The following ABI3BP variants were observed in gnomAD, a reference collection of about 807,000 sequenced individuals.
ABI3BP encodes target of Nesh-SH3.
In ABI3BP, 216 loss-of-function variants were observed where a neutral mutation model predicts 268.6. That is an observed-to-expected ratio of 0.80 (90% confidence interval 0.72 to 0.90). The LOEUF (loss-of-function observed/expected upper bound fraction) is 0.90. Among genes scored for constraint, ABI3BP ranks in the 40% least tolerant of loss-of-function variants. ABI3BP has a pLI of 0.00. For missense variants in ABI3BP, 2,090 were observed against 2,182.4 expected, an observed-to-expected ratio of 0.96 and a Z score of 0.84; for synonymous variants, 730 against 730.0, an observed-to-expected ratio of 1.00 and a Z score of 0.00.
At chr3:100,801,311 C>G (rs954880138) in intron 51 of ABI3BP, among the ~76,000 whole-genome samples, 1 of 151,054 alleles carries the variant, frequency 6.6e-6, no homozygotes, top group Non-Finnish European at 1.5e-5. Context: ...ACCTGTAGTC[C>G]CAGCTACTTG....
rs1354374 is a variant in ABI3BP at position 100,840,061 on chromosome 3, A to G, written c.1897+11T>C. On this transcript the variant is annotated intron_variant, in intron 23 of 67. Coordinates refer to ENST00000471714, the MANE Select transcript of ABI3BP (RefSeq NM_001375547.2). Reference sequence around the variant, plus strand: ...TTTCTATGTTAATTGGAACCTGAATATCACATTTACCGGGTTTGGACTTGG... The same window carrying G: ...TTTCTATGTTAATTGGAACCTGAATGTCACATTTACCGGGTTTGGACTTGG... 0.11 allele frequency: 163,107 copies of G among 1,438,278 alleles called. 9,379 individuals carry two copies. Among genetic ancestry groups the G allele is most frequent in the East Asian group, 0.22 (7,701 of 34,276 alleles). The allele number at this position is 1,438,278 out of a possible 1,614,324, so 89.1% of individuals were successfully genotyped here. A position where few individuals can be genotyped will look rare whatever the true frequency, so the allele number is the denominator to read the frequency against.
intron 3 of ABI3BP, among the ~76,000 whole-genome samples, chr3:100,901,278 G>A (rs2050164707): frequency 6.6e-6 from 1 of 152,056 alleles, no homozygotes; most frequent in African/African-American, 2.4e-5. Flanking sequence ...AAGAGGGGAG[G>A]GAATTGTGGC....
intron 41 of ABI3BP, among the ~76,000 whole-genome samples, chr3:100,817,822 C>T (rs2098104178): frequency 6.6e-6 from 1 of 152,154 alleles, no homozygotes; most frequent in African/African-American, 2.4e-5. Context: ...GTTTATCAGT[C>T]TACTTGCACT....
rs1384378597 is a variant in ABI3BP, at chr3:100,847,633, A to T, written c.1617T>A (p.Ser539=). The T allele has an allele frequency of 6.2e-7, 1 of 1,613,644 alleles. No homozygotes were observed. The highest frequency in any genetic ancestry group is 8.5e-7 in the Non-Finnish European group (1 of 1,179,676). ...TTGTCCATGTAGGTTCAGGGCTTTT[A>T]GAAATTTTAGGTGTAATTGTTCCGG... ...TSAGTITPKI[S]KSPEPTWTTP... The change falls in exon 19 of 68, where the codon TCT becomes TCA. Residue 539 remains serine (S), a synonymous_variant. Transcript: ENST00000471714.
At chr3:100,886,592 G>A (rs2042067594) in intron 4 of ABI3BP, among the ~76,000 whole-genome samples, 1 of 151,914 alleles carries the variant, frequency 6.6e-6, no homozygotes, top group African/African-American at 2.4e-5. Flanking sequence ...ATTATTTGCT[G>A]CTTTGCAAGA....
At chr3:100,962,608 A>G (rs2079547899) in intron 1 of ABI3BP, among the ~76,000 whole-genome samples, 2 of 152,182 alleles carry the variant, frequency 1.3e-5, no homozygotes, top group Non-Finnish European at 2.9e-5. Flanking sequence ...CTGTAAGGTC[A>G]GCAGTGACTT....
chr3:100,985,992 T>C (rs1030039088), intron 1 of ABI3BP, among the ~76,000 whole-genome samples: 1 of 152,188 alleles, frequency 6.6e-6, no homozygotes. Flanking sequence ...ACAATCAACT[T>C]GTATGGTAAA....
intron 38 of ABI3BP, among the ~76,000 whole-genome samples, 195 bp from the exon 39 acceptor site, chr3:100,821,308 C>T (rs933008689): frequency 6.6e-6 from 1 of 152,132 alleles, no homozygotes; most frequent in African/African-American, 2.4e-5. Flanking sequence ...GTACCTATTT[C>T]CTTATTCCTC....
chr3:100,768,729 A>G lies in ABI3BP; in HGVS notation c.4741+2014T>C, dbSNP rs532631995. On this transcript the variant is annotated intron_variant, in intron 62 of 67. Transcript: ENST00000471714. ...TATTATTATTACACCTAAGGAAACT[A>G]AGGCTCAAACAGTCTAATTTTATAC... Among the ~76,000 whole-genome samples, 290 of 152,322 alleles carry G rather than the reference A, an allele frequency of 1.9e-3. 1 individual carries two copies. Among genetic ancestry groups the G allele is most frequent in the Non-Finnish European group, 3.2e-3 (216 of 68,028 alleles).
chr3:100,837,992 G>A (rs73135589), intron 26 of ABI3BP, among the ~76,000 whole-genome samples: 13,693 of 152,150 alleles, frequency 0.09, 733 homozygotes, highest in East Asian at 0.14. Context: ...TTAAGAAAAT[G>A]AAATGCCAGT....
chr3:100,840,980 CT>C, intron 21 of ABI3BP, 122 bp from the exon 22 acceptor site: 1 of 742,232 alleles, frequency 1.3e-6, no homozygotes, highest in Non-Finnish European at 2.1e-6. Context: ...AATGGTGAAG[CT>C]TTTATCCACA....
Position 100,780,186 on chromosome 3 carries a change from AT to A in ABI3BP, c.4185del (p.Ser1396GlnfsTer57). The A allele has an allele frequency of 6.2e-7, 1 of 1,612,924 alleles. No homozygotes were observed. The highest frequency in any genetic ancestry group is 8.5e-7 in the Non-Finnish European group (1 of 1,179,184). On this transcript the variant is annotated frameshift_variant, in exon 58 of 68. Transcript: ENST00000471714. LOFTEE classifies it high-confidence loss of function. Reference sequence around the variant, plus strand: ...ACTGATACATTTCTATCAGCACCTGATGGCCTGGGTGCTTGCTTGACCCCTA... The same window carrying A: ...ACTGATACATTTCTATCAGCACCTGAGGCCTGGGTGCTTGCTTGACCCCTA... ...VGTGVKQAPR[P>X]SGADRNVSVD... is the part of the protein sequence containing the mutation.
At chr3:100,990,028 G>A (rs983474962) in intron 1 of ABI3BP, among the ~76,000 whole-genome samples, 3 of 152,160 alleles carry the variant, frequency 2.0e-5, no homozygotes, top group East Asian at 3.9e-4. Context: ...TTTCCACAGG[G>A]TAATGTTGGC....
chr3:100,852,054 G>C (rs2098847320), intron 14 of ABI3BP, 114 bp from the exon 15 acceptor site: 1 of 937,242 alleles, frequency 1.1e-6, no homozygotes, highest in South Asian at 1.7e-5. Flanking sequence ...GTTTTATGTA[G>C]GTACTGGTAC....
chr3:100,992,535 C>T (rs1231142807), intron 1 of ABI3BP, among the ~76,000 whole-genome samples: 1 of 152,162 alleles, frequency 6.6e-6, no homozygotes, highest in Non-Finnish European at 1.5e-5. Context: ...CTAGAGTTGG[C>T]TTAGAGAAGT....
At chr3:100,843,485 G>T (rs1184716273) in intron 20 of ABI3BP, 25 of 943,034 alleles carry the variant, frequency 2.7e-5, no homozygotes, top group Non-Finnish European at 3.2e-5. Context: ...GTGAGAGAAA[G>T]GAAGGGAGGG....
Position 100,802,858 on chromosome 3 carries a change from CCT to C in ABI3BP, c.3757+1932_3757+1933del, listed in dbSNP as rs147737417. Among the ~76,000 whole-genome samples, 783 of 114,918 alleles carry C rather than the reference CCT, an allele frequency of 6.8e-3. 30 individuals are homozygous for C. The highest frequency in any genetic ancestry group is 0.019 in the African/African-American group (747 of 38,800). 75.4% of individuals were successfully genotyped at this position (114,918 alleles called of 152,430 possible). A position where few individuals can be genotyped will look rare whatever the true frequency, so the allele number is the denominator to read the frequency against. ...ACATTAAACTACACATGTCATTTACCCTCTGTTTTTTGAAGTATAACCCACAG... is the reference window on the plus strand; with the variant it reads ...ACATTAAACTACACATGTCATTTACCCTGTTTTTTGAAGTATAACCCACAG... On this transcript the variant is annotated intron_variant, in intron 51 of 67. Transcript: ENST00000471714.
intron 63 of ABI3BP, among the ~76,000 whole-genome samples, chr3:100,764,945 G>C (rs747504451): frequency 1.3e-5 from 2 of 152,122 alleles, no homozygotes; most frequent in Non-Finnish European, 2.9e-5. Flanking sequence ...TATCGGACTA[G>C]TTTATACACA....
At chr3:100,985,821 G>T (rs184742805) in intron 1 of ABI3BP, among the ~76,000 whole-genome samples, 60 of 152,344 alleles carry the variant, frequency 3.9e-4, no homozygotes, top group African/African-American at 1.3e-3. Flanking sequence ...GTTGGCATCT[G>T]CCACAAAATG....
Sources: gnomAD v4.1 joint callset for allele counts (sites outside exome capture counted in the v4.1 genomes callset) on GRCh38, gnomAD v4.1.1 for gene constraint, MANE v1.5 for transcripts, NCBI Gene and HGNC (gene_info 2026-07-23, HGNC 2026-07-21) for gene names.